The following LRRIQ1 variants were observed in gnomAD, a reference collection of about 807,000 sequenced individuals.
The protein encoded by LRRIQ1 is leucine rich repeats and IQ motif containing 1.
In LRRIQ1, 210 loss-of-function variants were observed where a neutral mutation model predicts 211.9. The ratio of observed to expected loss-of-function variants is 0.99; its 90% confidence interval spans 0.89 to 1.11. The LOEUF is 1.11. Among genes scored for constraint, LRRIQ1 ranks in the 50% most tolerant of loss-of-function variants. The probability of loss-of-function intolerance (pLI) is 0.00; values close to 1 mark genes in which losing one functional copy is unlikely to be tolerated. For synonymous variants in LRRIQ1, 699 were observed against 650.1 expected (o/e 1.08, Z -1.14); for missense variants, 2,136 against 1,939.5 (o/e 1.10, Z -1.90).
downstream of LRRIQ1, among the ~76,000 whole-genome samples, chr12:85,265,945 G>A (rs1896408543): frequency 1.3e-5 from 2 of 151,878 alleles, no homozygotes; most frequent in Admixed American, 1.3e-4. Flanking sequence ...ACAAAACAGG[G>A]CACACAAATC....
chr12:85,073,153 A>G (rs888693977), intron 11 of LRRIQ1, 55 bp downstream of exon 11: 9 of 1,350,320 alleles, frequency 6.7e-6, no homozygotes, highest in Non-Finnish European at 9.2e-6. Context: ...TAGAGGAGGT[A>G]TGGGGAGGGT....
intron 19 of LRRIQ1, among the ~76,000 whole-genome samples, chr12:85,142,404 A>T (rs571446337): frequency 6.6e-6 from 1 of 151,550 alleles, no homozygotes; most frequent in Non-Finnish European, 1.5e-5. Flanking sequence ...TGAAGTATAT[A>T]TACATTGTGA....
At chr12:85,194,699 A>G (rs1892794480) in intron 24 of LRRIQ1, among the ~76,000 whole-genome samples, 1 of 152,168 alleles carries the variant, frequency 6.6e-6, no homozygotes. Flanking sequence ...TTATAGCACT[A>G]AGTGCCCACA....
chr12:85,144,688 G>A (rs982559166), intron 19 of LRRIQ1, among the ~76,000 whole-genome samples: 1 of 151,600 alleles, frequency 6.6e-6, no homozygotes, highest in African/African-American at 2.4e-5. Flanking sequence ...AGTAGCCAGG[G>A]ATCAGTCCAC....
chr12:85,156,740 A>G (rs1198623195), intron 23 of LRRIQ1, among the ~76,000 whole-genome samples: 1 of 151,860 alleles, frequency 6.6e-6, no homozygotes, highest in Non-Finnish European at 1.5e-5. Flanking sequence ...CAACTTGCCA[A>G]CTTGAAATTT....
chr12:85,246,223 A>G (rs1895712617), downstream of LRRIQ1, among the ~76,000 whole-genome samples: 1 of 151,310 alleles, frequency 6.6e-6, no homozygotes, highest in East Asian at 1.9e-4. Flanking sequence ...GCCCTAGTCA[A>G]TATAGTTAAG....
intron 8 of LRRIQ1, among the ~76,000 whole-genome samples, chr12:85,058,634 ACT>A (rs1430044307): frequency 6.6e-6 from 1 of 151,748 alleles, no homozygotes; most frequent in African/African-American, 2.4e-5. Context: ...TCTCCAGCTG[ACT>A]CTCTGTTCCT....
At chr12:85,176,220 A>G (rs1425069847) in intron 24 of LRRIQ1, among the ~76,000 whole-genome samples, 1 of 152,028 alleles carries the variant, frequency 6.6e-6, no homozygotes, top group African/African-American at 2.4e-5. Flanking sequence ...GAGGTCCTTC[A>G]CATCCCTTGT....
intron 23 of LRRIQ1, among the ~76,000 whole-genome samples, chr12:85,159,803 AAT>A (rs1890766257): frequency 6.6e-6 from 1 of 151,920 alleles, no homozygotes; most frequent in African/African-American, 2.4e-5. Context: ...TATTTTATGA[AAT>A]ATATATACAC....
intron 19 of LRRIQ1, among the ~76,000 whole-genome samples, chr12:85,141,348 A>T (rs1889519409): frequency 6.6e-6 from 1 of 151,116 alleles, no homozygotes; most frequent in South Asian, 2.1e-4. Flanking sequence ...TTGAGAGAGG[A>T]GTGCTAAAAT....
intron 26 of LRRIQ1, 69 bp from the exon 27 acceptor site, chr12:85,244,720 T>A: frequency 1.5e-6 from 2 of 1,315,776 alleles, no homozygotes; most frequent in African/African-American, 1.5e-5. Context: ...TTTGGGGTAA[T>A]GTGAGCTGCA....
chr12:85,179,281 TA>T (rs1891867597), intron 24 of LRRIQ1, among the ~76,000 whole-genome samples: 2 of 151,988 alleles, frequency 1.3e-5, no homozygotes, highest in Non-Finnish European at 2.9e-5. Flanking sequence ...TACCTTCACA[TA>T]TCCCACTGAC....
intron 24 of LRRIQ1, among the ~76,000 whole-genome samples, chr12:85,190,704 T>G (rs1372207189): frequency 6.6e-6 from 1 of 151,916 alleles, no homozygotes; most frequent in Non-Finnish European, 1.5e-5. Flanking sequence ...GGCTAAAGCA[T>G]TCTTATCTTT....
At chr12:85,094,876 G>A (rs1885730185) in intron 11 of LRRIQ1, among the ~76,000 whole-genome samples, 1 of 151,880 alleles carries the variant, frequency 6.6e-6, no homozygotes. Flanking sequence ...GTGTGTGTAT[G>A]TCTATTGTAA....
At chr12:85,103,897 A>G (rs1469073737) in intron 13 of LRRIQ1, 107 bp from the exon 14 acceptor site, 1 of 445,562 alleles carries the variant, frequency 2.2e-6, no homozygotes, top group East Asian at 4.4e-5. Flanking sequence ...TAAAATGTGT[A>G]TAATTATATA....
intron 11 of LRRIQ1, among the ~76,000 whole-genome samples, chr12:85,081,012 A>G (rs1487606121): frequency 6.6e-6 from 1 of 152,094 alleles, no homozygotes; most frequent in Non-Finnish European, 1.5e-5. Context: ...GAATCTATAC[A>G]TTGGTATTGA....
chr12:85,192,093 G>C (rs547488609), intron 24 of LRRIQ1, among the ~76,000 whole-genome samples: 237 of 151,672 alleles, frequency 1.6e-3, no homozygotes, highest in Non-Finnish European at 2.5e-3. Context: ...CTGTCACTCA[G>C]GTAATAAGTG....
intron 6 of LRRIQ1, among the ~76,000 whole-genome samples, chr12:85,048,819 T>G (rs918903707): frequency 1.3e-5 from 2 of 152,126 alleles, no homozygotes; most frequent in African/African-American, 4.8e-5. Flanking sequence ...AATACATAAT[T>G]GCTATTAAGT....
At chr12:85,066,976 T>C in intron 10 of LRRIQ1, 78 bp downstream of exon 10, 1 of 723,818 alleles carries the variant, frequency 1.4e-6, no homozygotes, top group Non-Finnish European at 2.0e-6. Context: ...TTTTTAGGAG[T>C]AGGCCACCAT....
Sources: allele counts gnomAD v4.1 joint callset (sites outside exome capture counted in the v4.1 genomes callset), GRCh38; gene constraint gnomAD v4.1.1; transcripts MANE v1.5; gene names NCBI Gene and HGNC (gene_info 2026-07-23, HGNC 2026-07-21).